SMURF2: variants seen among roughly 807,000 people sequenced by gnomAD.
The protein encoded by SMURF2 is SMAD specific E3 ubiquitin protein ligase 2.
A neutral mutation model predicts 109.6 loss-of-function variants in SMURF2; 48 were observed. The ratio of observed to expected loss-of-function variants is 0.44; its 90% CI spans 0.35 to 0.56. SMURF2 has a LOEUF of 0.56. Among genes scored for constraint, SMURF2 ranks in the 20% least tolerant of loss-of-function variants. The pLI is 0.01. For missense variants in SMURF2, 575 were observed against 909.0 expected (o/e 0.63, Z 4.72); for synonymous variants, 288 against 317.1 (o/e 0.91, Z 0.97).
At chr17:64,551,510 C>T in intron 16 of SMURF2, 74 bp downstream of exon 16, 2 of 1,524,164 alleles carry the variant, frequency 1.3e-6, no homozygotes, top group Non-Finnish European at 1.8e-6. Context: ...ATGCTTTCCT[C>T]TAAAACTAAG....
intron 9 of SMURF2, among the ~76,000 whole-genome samples, chr17:64,577,644 G>A (rs958791127): frequency 8.6e-5 from 13 of 150,732 alleles, no homozygotes; most frequent in African/African-American, 2.9e-4. Context: ...CATCCAGGCT[G>A]GAGTGCTGTA....
chr17:64,589,366 T>A (rs1367521380), intron 5 of SMURF2, among the ~76,000 whole-genome samples: 3 of 151,880 alleles, frequency 2.0e-5, no homozygotes, highest in African/African-American at 7.3e-5. Context: ...CATGTGAAAG[T>A]GTTGTATGAC....
intron 1 of SMURF2, among the ~76,000 whole-genome samples, chr17:64,656,150 G>C (rs1316401185): frequency 6.6e-6 from 1 of 152,128 alleles, no homozygotes; most frequent in Non-Finnish European, 1.5e-5. Context: ...ACTTCTTGGA[G>C]AATAAGTTCT....
At chr17:64,644,243 C>T (rs1312603585) in intron 1 of SMURF2, among the ~76,000 whole-genome samples, 10 of 151,990 alleles carry the variant, frequency 6.6e-5, no homozygotes, top group South Asian at 2.1e-4. Flanking sequence ...GCCTTCAAAG[C>T]GCTGGGATTT....
intron 5 of SMURF2, among the ~76,000 whole-genome samples, chr17:64,589,286 A>G (rs1475245645): frequency 2.0e-5 from 3 of 152,186 alleles, no homozygotes; most frequent in African/African-American, 4.8e-5. Context: ...TAGTAAAACT[A>G]TTGTTACTAC....
intron 1 of SMURF2, among the ~76,000 whole-genome samples, chr17:64,634,365 G>A (rs549771511): frequency 6.6e-6 from 1 of 152,252 alleles, no homozygotes; most frequent in South Asian, 2.1e-4. Context: ...TTTTTTGTGA[G>A]GTTGGGTAAG....
At chr17:64,621,161 T>G (rs1470727858) in intron 1 of SMURF2, among the ~76,000 whole-genome samples, 1 of 152,226 alleles carries the variant, frequency 6.6e-6, no homozygotes, top group Non-Finnish European at 1.5e-5. Flanking sequence ...TCTGAAAAAC[T>G]GTAGTCACTC....
intron 5 of SMURF2, among the ~76,000 whole-genome samples, chr17:64,587,207 TA>T (rs1969676270): frequency 1.3e-5 from 2 of 151,954 alleles, no homozygotes; most frequent in East Asian, 3.9e-4. Flanking sequence ...TAAATAAAAA[TA>T]CACTGTATTC....
At chr17:64,573,391 A>G (rs1312971716) in intron 9 of SMURF2, among the ~76,000 whole-genome samples, 3 of 152,190 alleles carry the variant, frequency 2.0e-5, no homozygotes, top group Non-Finnish European at 2.9e-5. Flanking sequence ...TTATACTAGA[A>G]AAATGTTTTT....
At chr17:64,556,316 A>G (rs1969119435) in intron 13 of SMURF2, among the ~76,000 whole-genome samples, 1 of 151,384 alleles carries the variant, frequency 6.6e-6, no homozygotes, top group African/African-American at 2.4e-5. Context: ...TCCTTCTCTC[A>G]CCTCCTGCTG....
At chr17:64,568,863 G>A (rs531524288) in intron 10 of SMURF2, among the ~76,000 whole-genome samples, 3 of 152,068 alleles carry the variant, frequency 2.0e-5, no homozygotes, top group African/African-American at 4.8e-5. Context: ...TTAGCTGGGC[G>A]TGGTGGTGCG....
intron 1 of SMURF2, among the ~76,000 whole-genome samples, chr17:64,631,284 GAGAGAGAGA>G (rs1568202956): frequency 8.2e-5 from 2 of 24,384 alleles, no homozygotes; most frequent in Non-Finnish European, 8.2e-5. Context: ...GGGGGGGGGA[GAGAGAGAGA>G]GAGAGAGAGA....
intron 3 of SMURF2, among the ~76,000 whole-genome samples, chr17:64,595,143 AT>A (rs2144658720): frequency 6.6e-6 from 1 of 152,300 alleles, no homozygotes; most frequent in East Asian, 1.9e-4. Context: ...AATGTGCCAT[AT>A]TTTTTATGTG....
In SMURF2 at chr17:64,562,804, GC is replaced by G; in HGVS notation, c.1178del (p.Cys393SerfsTer19). On this transcript the variant is annotated frameshift_variant, in exon 11 of 19. Transcript: ENST00000262435. LOFTEE classifies it high-confidence loss of function. Reference protein sequence around the residue: ...LSQQQPQAGHCRIEVSREEIF... With the variant: ...LSQQQPQAGHXRIEVSREEIF... ...TCTCTTCCCTGGAAACCTCAATGCG[GC>G]AATGACCTGCCTGAGGCTGTTGTTG... 6.2e-7 allele frequency: 1 copy of G among 1,614,096 alleles called. No individual in the cohort carries two copies. Among genetic ancestry groups the G allele is most frequent in the Non-Finnish European group, 8.5e-7 (1 of 1,180,006 alleles).
intron 9 of SMURF2, among the ~76,000 whole-genome samples, chr17:64,576,230 G>A (rs375327614): frequency 2.6e-5 from 4 of 151,748 alleles, no homozygotes; most frequent in African/African-American, 9.7e-5. Context: ...AGGGAGGCAG[G>A]GAGAAAACAA....
At chr17:64,619,619 A>C (rs1197594496) in intron 1 of SMURF2, among the ~76,000 whole-genome samples, 1 of 152,148 alleles carries the variant, frequency 6.6e-6, no homozygotes, top group Non-Finnish European at 1.5e-5. Flanking sequence ...GAGAAGTCCA[A>C]GATCAAGGTG....
At chr17:64,559,170 A>G (rs1238016882) in intron 12 of SMURF2, among the ~76,000 whole-genome samples, 2 of 152,200 alleles carry the variant, frequency 1.3e-5, no homozygotes, top group Non-Finnish European at 2.9e-5. Context: ...TTGTTTTACC[A>G]AGTATTTAGA....
chr17:64,610,268 A>G (rs1361349916), intron 1 of SMURF2, among the ~76,000 whole-genome samples: 4 of 152,220 alleles, frequency 2.6e-5, no homozygotes, highest in Non-Finnish European at 5.9e-5. Flanking sequence ...TATATACCCA[A>G]AGGATTATAA....
At chr17:64,573,596 TCTC>T (rs2144625886) in intron 9 of SMURF2, among the ~76,000 whole-genome samples, 1 of 152,030 alleles carries the variant, frequency 6.6e-6, no homozygotes, top group East Asian at 1.9e-4. Context: ...TTCCAAGAAT[TCTC>T]CTCAAATTTT....
Sources: allele counts gnomAD v4.1 joint callset (sites outside exome capture counted in the v4.1 genomes callset), GRCh38; gene constraint gnomAD v4.1.1; transcripts MANE v1.5; gene names NCBI Gene and HGNC (gene_info 2026-07-23, HGNC 2026-07-21).